Variants in CAPN15 observed in about 807,000 individuals in gnomAD.
CAPN15 encodes calpain-15.
Under a neutral mutation model 97.9 loss-of-function variants are expected in CAPN15, and 53 were observed. That is an observed-to-expected ratio of 0.54 (90% CI 0.43 to 0.68). CAPN15 has a LOEUF of 0.68. CAPN15 is among the 30% of genes least tolerant of loss of function. The probability of loss-of-function intolerance (pLI) is 0.00; values close to 1 mark genes in which losing one functional copy is unlikely to be tolerated. For synonymous variants in CAPN15, 922 were observed against 722.5 expected, an observed-to-expected ratio of 1.28 and a Z score of -4.43; for missense variants, 1,592 against 1,589.8, an observed-to-expected ratio of 1.00 and a Z score of -0.02.
intron 7 of CAPN15, 115 bp from the exon 8 acceptor site, chr16:551,161 TCGGTGAGGGTCCCGGTCGGTGAGGGC>T: frequency 7.9e-7 from 1 of 1,260,400 alleles, no homozygotes; most frequent in East Asian, 2.7e-5. Context: ...GGGCGCCCCG[TCGGTGAGGGTCCCGGTCGGTGAGGGC>T]CCCGGTCGGT....
chr16:553,461 A>G lies in CAPN15; in HGVS notation c.3206A>G (p.His1069Arg). 6.2e-7 allele frequency: 1 copy of G among 1,611,060 alleles called. No individual in the cohort carries two copies. Among genetic ancestry groups the G allele is most frequent in the Non-Finnish European group, 8.5e-7 (1 of 1,179,240 alleles). Residue 1069 changes from histidine (H) to arginine (R), a missense_variant, in exon 14 of 14, where the codon CAC (histidine) becomes CGC (arginine). His to Arg is a conservative substitution (Grantham distance 29). Coordinates refer to ENST00000219611, the MANE Select transcript of CAPN15 (RefSeq NM_005632.3). ...GACTGGACAGCCTCCAAGGGGACCC[A>G]CAGCCCCCCACTCACGCCAGAGGTC... ...LSDWTASKGT[H>R]SPPLTPEVAG...
At position 527,997 on chromosome 16, in the gene CAPN15, G is replaced by T. The variant is rs1320569269; in HGVS notation, c.-222G>T. 5 of 143,406 alleles carry T rather than the reference G, an allele frequency of 3.5e-5. No individual in the cohort carries two copies. The highest frequency in any genetic ancestry group is 6.2e-5 in the Non-Finnish European group (4 of 64,600). 8.9% of individuals were successfully genotyped at this position (143,406 alleles called of 1,614,324 possible). On this transcript the variant is annotated 5_prime_UTR_variant, in exon 1 of 14. Transcript: ENST00000219611. ...GGGCCGGGGCCGCGCTGCCCGGGCCGCGAGGACGAGGCGGCGCCGCCGGGC... is the reference window on the plus strand; with the variant it reads ...GGGCCGGGGCCGCGCTGCCCGGGCCTCGAGGACGAGGCGGCGCCGCCGGGC...
chr16:528,307 T>C (rs1350599346), intron 1 of CAPN15, among the ~76,000 whole-genome samples: 1 of 151,712 alleles, frequency 6.6e-6, no homozygotes, highest in African/African-American at 2.4e-5. Context: ...ACCTGGGCCA[T>C]GTGGGTCACT....
Position 553,671 on chromosome 16 carries a change from G to A in CAPN15, c.*155G>A, listed in dbSNP as rs1352867348. 22 of 514,518 alleles carry A rather than the reference G, an allele frequency of 4.3e-5. No individual in the cohort carries two copies. Among genetic ancestry groups the A allele is most frequent in the South Asian group, 9.0e-5 (3 of 33,384 alleles). 31.9% of individuals were successfully genotyped at this position (514,518 alleles called of 1,614,324 possible). ...GGGCTCAGCTTCCCATGGGCCCCCC[G>A]CCCCCCTCCTTCCCCTCCCTGAACC... is the stretch of plus-strand genomic sequence containing the variant. On this transcript the variant is annotated 3_prime_UTR_variant, in exon 14 of 14. Coordinates refer to ENST00000219611, the MANE Select transcript of CAPN15 (RefSeq NM_005632.3).
At chr16:539,427 C>T (rs945758767) in intron 3 of CAPN15, 1 of 152,324 alleles carries the variant, frequency 6.6e-6, no homozygotes, top group Non-Finnish European at 1.5e-5. Flanking sequence ...TTTGATTTCT[C>T]CTCAGCCAGA....
intron 3 of CAPN15, chr16:540,228 G>A: frequency 1.1e-5 from 11 of 985,548 alleles, no homozygotes; most frequent in Non-Finnish European, 1.3e-5. Context: ...CAGAGACCGA[G>A]TCGGACCACA....
Position 535,778 on chromosome 16 carries a change from C to A in CAPN15, c.-136-251C>A, listed in dbSNP as rs1384518805. On this transcript the variant is annotated intron_variant, in intron 2 of 13. Coordinates refer to ENST00000219611, the MANE Select transcript of CAPN15 (RefSeq NM_005632.3). This position sits in a 1 kb window ranked among gnomAD's most constrained non-coding sequence, Gnocchi z 6.2. ...GTCACGGCTCCTGCTGGTTCCCATT[C>A]GCGAGCACCTGAAACAGCCTGGCCC... Among the ~76,000 whole-genome samples the A allele has an allele frequency of 6.6e-6, 1 of 152,128 alleles. No homozygotes were observed. Among genetic ancestry groups the A allele is most frequent in the Admixed American group, 6.5e-5 (1 of 15,282 alleles).
At chr16:533,688 G>A (rs2033438414) in intron 1 of CAPN15, among the ~76,000 whole-genome samples, 1 of 152,184 alleles carries the variant, frequency 6.6e-6, no homozygotes, top group Admixed American at 6.5e-5. Context: ...GAGGTTGACC[G>A]CACTGGACAG....
intron 1 of CAPN15, chr16:528,723 A>G: frequency 1.0e-6 from 1 of 985,416 alleles, no homozygotes; most frequent in East Asian, 1.1e-4. Flanking sequence ...GACTGCAGGT[A>G]ACAAGACCCG....
In CAPN15 at chr16:549,462, C is replaced by A. The variant is rs771973882; in HGVS notation, c.1833C>A (p.Leu611=). ...CCTGTGATGAGGCCGGCTGCCTCCT[C>A]TTCTCACAGGTGGGGCGGCCTGCAG... ...MLPCDEAGCL[L]FSQAQRKQLW... The change falls in exon 6 of 14, where the codon CTC becomes CTA. Residue 611 remains leucine (L), a synonymous_variant. Coordinates refer to ENST00000219611, the MANE Select transcript of CAPN15 (RefSeq NM_005632.3). The A allele has an allele frequency of 6.3e-6, 10 of 1,592,246 alleles. No homozygotes were observed. In the South Asian group the frequency reaches 1.1e-4, roughly 18 times the overall value.
chr16:546,319 G>A (rs758847551), intron 3 of CAPN15, among the ~76,000 whole-genome samples: 6 of 152,258 alleles, frequency 3.9e-5, no homozygotes, highest in Non-Finnish European at 8.8e-5. Context: ...TTTTCTGCCA[G>A]GCAGAGCAGC....
chr16:543,172 CAG>C (rs993196933), intron 3 of CAPN15: 1 of 153,904 alleles, frequency 6.5e-6, no homozygotes, highest in Non-Finnish European at 1.5e-5. Context: ...AAAACTTAAA[CAG>C]AAAAATGTAG....
chr16:549,867 C>T (rs763478396), intron 7 of CAPN15, 29 bp downstream of exon 7: 104 of 1,516,866 alleles, frequency 6.9e-5, no homozygotes, highest in Middle Eastern at 3.4e-4. Context: ...CGTGGTCAGC[C>T]GCGTTGGGAG....
chr16:537,668 G>A lies in CAPN15; in HGVS notation c.-23+1526G>A, dbSNP rs114532559. ...GGGGAGTGTCGGAAATGCCCAACCC[G>A]TCTCCCGTGAGGGACTCCTGCGTGG... On this transcript the variant is annotated intron_variant, in intron 3 of 13. Transcript: ENST00000219611. 4.8e-3 allele frequency: 764 copies of A among 158,180 alleles called. 7 individuals carry two copies. The highest frequency in any genetic ancestry group is 0.017 in the African/African-American group (716 of 41,680). 9.8% of individuals were successfully genotyped at this position (158,180 alleles called of 1,614,324 possible).
rs566035537 is a variant in CAPN15, at chr16:541,583, G to A, written c.-22-5234G>A. ...GCCGCCTCCCAGTGAGCATCTCCAC[G>A]TGTGCCGACAACAGCTTTGTTGAGG... On this transcript the variant is annotated intron_variant, in intron 3 of 13. Coordinates refer to ENST00000219611, the MANE Select transcript of CAPN15 (RefSeq NM_005632.3). 5.3e-5 allele frequency among the ~76,000 whole-genome samples: 8 copies of A among 152,354 alleles called. No individual in the cohort carries two copies. The South Asian group carries it at 1.7e-3, about 32-fold the overall frequency.
At chr16:540,136 G>A (rs906392498) in intron 3 of CAPN15, 7 of 985,468 alleles carry the variant, frequency 7.1e-6, no homozygotes, top group Non-Finnish European at 7.2e-6. Context: ...TTCGCCCGCT[G>A]CTGGCCAGAG....
chr16:547,483 C>T lies in CAPN15; in HGVS notation c.645C>T (p.Ala215=). Residue 215 remains alanine, a synonymous_variant, in exon 4 of 14, where the codon GCC becomes GCT. Coordinates refer to ENST00000219611, the MANE Select transcript of CAPN15 (RefSeq NM_005632.3). ...PGEGAEANPP[A]TSQGPAAEPE... ...AAGGTGCCGAGGCCAACCCCCCAGCCACCAGCCAGGGCCCAGCTGCCGAAC... is the reference window on the plus strand; with the variant it reads ...AAGGTGCCGAGGCCAACCCCCCAGCTACCAGCCAGGGCCCAGCTGCCGAAC... The T allele has an allele frequency of 2.5e-6, 4 of 1,597,022 alleles. No homozygotes were observed. Among genetic ancestry groups the T allele is most frequent in the Non-Finnish European group, 1.7e-6 (2 of 1,178,606 alleles).
intron 7 of CAPN15, among the ~76,000 whole-genome samples, chr16:550,416 A>C (rs1406516642): frequency 6.6e-6 from 1 of 152,188 alleles, no homozygotes; most frequent in Non-Finnish European, 1.5e-5. Flanking sequence ...CGCTTCAGGC[A>C]TGGTGGAGGG....
chr16:553,315 G>T (rs767088070), intron 13 of CAPN15, 24 bp from the exon 14 acceptor site: 15 of 1,575,412 alleles, frequency 9.5e-6, no homozygotes, highest in East Asian at 4.5e-5. Flanking sequence ...CCCTCCACAG[G>T]TCCTCACCGG....
Sources: gnomAD v4.1 joint callset for allele counts (sites outside exome capture counted in the v4.1 genomes callset) on GRCh38, gnomAD v4.1.1 for gene constraint, Gnocchi (gnomAD v3.1) non-coding constraint, MANE v1.5 for transcripts, NCBI Gene and HGNC (gene_info 2026-07-23, HGNC 2026-07-21) for gene names.